SRP54: variants seen among roughly 807,000 people sequenced by gnomAD.
SRP54 encodes signal recognition particle 54.
SRP54 carries 10 observed loss-of-function variants against 64.8 expected under a neutral mutation model. That is an observed-to-expected ratio of 0.15 (90% CI 0.10 to 0.26). The LOEUF is 0.26. SRP54 is among the 10% of genes least tolerant of loss of function. The pLI, the probability that SRP54 is intolerant of heterozygous loss-of-function variation, is 1.00. For missense variants in SRP54, 325 were observed against 613.7 expected (o/e 0.53, Z 4.97); for synonymous variants, 193 against 185.6 (o/e 1.04, Z -0.32).
At chr14:34,995,178 T>TA (rs1158835081) in intron 1 of SRP54, among the ~76,000 whole-genome samples, 40 of 120,054 alleles carry the variant, frequency 3.3e-4, no homozygotes, top group African/African-American at 1.1e-3. Flanking sequence ...TGTGTGTGTG[T>TA]GTGTGTGTGT....
At chr14:34,991,696 A>C (rs924851827) in intron 1 of SRP54, among the ~76,000 whole-genome samples, 4 of 145,756 alleles carry the variant, frequency 2.7e-5, no homozygotes, top group African/African-American at 1.0e-4. Context: ...CAAGGAGGTC[A>C]GTATGATTAA....
chr14:35,001,699 G>C (rs981829291), intron 4 of SRP54, among the ~76,000 whole-genome samples: 1 of 152,084 alleles, frequency 6.6e-6, no homozygotes, highest in Admixed American at 6.6e-5. Context: ...GTTGTGTAAG[G>C]AATTCCCTTT....
intron 11 of SRP54, among the ~76,000 whole-genome samples, chr14:35,016,510 T>C (rs985882148): frequency 5.9e-5 from 9 of 152,200 alleles, no homozygotes; most frequent in African/African-American, 2.2e-4. Flanking sequence ...TCTGCCATCA[T>C]CTCCTCTGGC....
intron 1 of SRP54, among the ~76,000 whole-genome samples, chr14:34,989,673 A>G (rs949073997): frequency 6.6e-6 from 1 of 152,168 alleles, no homozygotes; most frequent in African/African-American, 2.4e-5. Context: ...TAAATTTTAA[A>G]GATTCCAGGA....
chr14:35,028,778 G>C (rs552823726), intron 15 of SRP54, among the ~76,000 whole-genome samples: 1 of 152,034 alleles, frequency 6.6e-6, no homozygotes, highest in Non-Finnish European at 1.5e-5. Context: ...TTTTTGTTTA[G>C]ATTTATTGAC....
intron 12 of SRP54, 56 bp from the exon 13 acceptor site, chr14:35,018,910 C>T: frequency 1.3e-6 from 2 of 1,505,218 alleles, no homozygotes; most frequent in Non-Finnish European, 9.2e-7. Flanking sequence ...TAAATGTGGA[C>T]ATTTTGAACC....
At chr14:35,018,232 T>C (rs187131870) in intron 11 of SRP54, among the ~76,000 whole-genome samples, 1 of 152,366 alleles carries the variant, frequency 6.6e-6, no homozygotes, top group East Asian at 1.9e-4. Context: ...GAATAATATT[T>C]TTTCCACAGT....
At position 35,019,281 on chromosome 14, in the gene SRP54, C is replaced by T. The variant is rs1040048271; in HGVS notation, c.1156+207C>T. 15 of 416,580 alleles carry T rather than the reference C, an allele frequency of 3.6e-5. No individual in the cohort carries two copies. In the Admixed American group the frequency reaches 5.6e-4, roughly 16 times the overall value. The allele number at this position is 416,580 out of a possible 1,614,324, so 25.8% of individuals were successfully genotyped here. On this transcript the variant is annotated intron_variant, in intron 13 of 15. Coordinates refer to ENST00000216774, the MANE Select transcript of SRP54 (RefSeq NM_003136.4). Reference sequence around the variant, plus strand: ...GTTGAGAGAAATGTCTAGTATAATACTTCTCCAAATGAGTTACAAGGAAAG... The same window carrying T: ...GTTGAGAGAAATGTCTAGTATAATATTTCTCCAAATGAGTTACAAGGAAAG...
chr14:34,998,158 TGAA>T (rs1470307357), intron 2 of SRP54, among the ~76,000 whole-genome samples: 1 of 152,074 alleles, frequency 6.6e-6, no homozygotes, highest in Non-Finnish European at 1.5e-5. Flanking sequence ...TGAAGTGAGT[TGAA>T]GGAGAGAGAA....
chr14:34,999,486 T>C lies in SRP54; in HGVS notation c.79-72T>C, dbSNP rs973758844. Reference sequence around the variant, plus strand: ...TACTAAGCTGTGGTTATGTAAGTGATCAACAATTGTTTTTATGGAACTGAA... The same window carrying C: ...TACTAAGCTGTGGTTATGTAAGTGACCAACAATTGTTTTTATGGAACTGAA... On this transcript the variant is annotated intron_variant, in intron 2 of 15. Coordinates refer to ENST00000216774, the MANE Select transcript of SRP54 (RefSeq NM_003136.4). 4.4e-6 allele frequency: 5 copies of C among 1,131,124 alleles called. No homozygotes were observed. The Admixed American group carries it at 7.3e-5, about 17-fold the overall frequency. The allele number at this position is 1,131,124 out of a possible 1,614,324, so 70.1% of individuals were successfully genotyped here. A position where few individuals can be genotyped will look rare whatever the true frequency, so the allele number is the denominator to read the frequency against.
intron 4 of SRP54, 23 bp downstream of exon 4, chr14:35,001,043 C>T (rs750703774): frequency 2.2e-6 from 3 of 1,340,752 alleles, no homozygotes; most frequent in Non-Finnish European, 3.1e-6. Flanking sequence ...GAAGATTATG[C>T]TGTGATTCTA....
At chr14:35,013,273 C>T in intron 8 of SRP54, 73 bp from the exon 9 acceptor site, 3 of 1,408,510 alleles carry the variant, frequency 2.1e-6, no homozygotes, top group Non-Finnish European at 2.9e-6. Flanking sequence ...TGTTTTATAG[C>T]TTCTAATGAT....
chr14:35,018,528 A>G (rs1462459947), intron 11 of SRP54, 164 bp from the exon 12 acceptor site: 3 of 607,382 alleles, frequency 4.9e-6, no homozygotes, highest in South Asian at 2.1e-5. Context: ...TCTCCCCAGC[A>G]TTCATCCTGT....
chr14:34,988,595 A>ATATATCATATAT, intron 1 of SRP54, among the ~76,000 whole-genome samples: 1 of 120,282 alleles, frequency 8.3e-6, no homozygotes, highest in Non-Finnish European at 1.8e-5. Flanking sequence ...ATATATATAT[A>ATATATCATATAT]ACATATATAT....
At chr14:35,002,605 T>C (rs2044192898) in intron 4 of SRP54, among the ~76,000 whole-genome samples, 1 of 144,820 alleles carries the variant, frequency 6.9e-6, no homozygotes, top group Admixed American at 6.9e-5. Context: ...GCTAATTTTT[T>C]TTTGTATTTT....
At chr14:35,020,189 GA>G (rs35470730) in intron 13 of SRP54, among the ~76,000 whole-genome samples, 65,062 of 151,464 alleles carry the variant, frequency 0.43, 14,657 homozygotes, top group East Asian at 0.69. Flanking sequence ...TGTCTCAAAA[GA>G]AAAAAATAAA....
intron 11 of SRP54, among the ~76,000 whole-genome samples, chr14:35,015,349 T>C (rs761392813): frequency 2.4e-4 from 36 of 152,178 alleles, no homozygotes; most frequent in Non-Finnish European, 4.7e-4. Flanking sequence ...GTGCTGAGAT[T>C]ACAGGTGTGA....
chr14:34,997,390 G>C (rs559248919), intron 2 of SRP54, among the ~76,000 whole-genome samples: 9 of 152,224 alleles, frequency 5.9e-5, no homozygotes, highest in African/African-American at 2.2e-4. Context: ...AATTGAAAAA[G>C]TTGACTGTGG....
intron 11 of SRP54, among the ~76,000 whole-genome samples, chr14:35,017,236 T>G (rs1399338214): frequency 6.6e-6 from 1 of 152,218 alleles, no homozygotes; most frequent in African/African-American, 2.4e-5. Flanking sequence ...CCTACTCTGT[T>G]TCCTTTCTGA....
Sources: allele counts gnomAD v4.1 joint callset (sites outside exome capture counted in the v4.1 genomes callset), GRCh38; gene constraint gnomAD v4.1.1; transcripts MANE v1.5; gene names NCBI Gene and HGNC (gene_info 2026-07-23, HGNC 2026-07-21).